FER: variants seen among roughly 807,000 people sequenced by gnomAD.
FER encodes tyrosine-protein kinase Fer.
In FER, 63 loss-of-function variants were observed where a neutral mutation model predicts 111.0. The observed-to-expected ratio is 0.57, with a 90% CI of 0.46 to 0.70. FER has a LOEUF of 0.70. Ranked by LOEUF, FER falls within the 30% of genes least tolerant of loss-of-function variation. The pLI is 0.00. For synonymous variants in FER, 327 were observed against 313.9 expected (o/e 1.04, Z -0.44); for missense variants, 914 against 954.0 (o/e 0.96, Z 0.55).
chr5:108,907,791 C>T (rs1421208391), intron 10 of FER, among the ~76,000 whole-genome samples: 3 of 152,124 alleles, frequency 2.0e-5, no homozygotes, highest in African/African-American at 7.2e-5. Flanking sequence ...CAGTATTTAA[C>T]ACTCAGTCTT....
intron 13 of FER, among the ~76,000 whole-genome samples, chr5:109,009,315 T>G (rs1179034873): frequency 5.3e-5 from 8 of 152,092 alleles, no homozygotes; most frequent in Non-Finnish European, 8.8e-5. Flanking sequence ...GGATTACAGG[T>G]GAGCCACCGT....
intron 10 of FER, among the ~76,000 whole-genome samples, chr5:108,898,630 T>C (rs192201259): frequency 1.4e-5 from 2 of 141,256 alleles, no homozygotes; most frequent in African/African-American, 5.3e-5. Context: ...TTCCTTCCTT[T>C]CTTTTTCTTT....
chr5:109,026,979 A>T (rs755552493), intron 13 of FER, among the ~76,000 whole-genome samples: 1 of 152,100 alleles, frequency 6.6e-6, no homozygotes, highest in Non-Finnish European at 1.5e-5. Flanking sequence ...ACACCCGGCT[A>T]ATTATTCTTT....
intron 5 of FER, among the ~76,000 whole-genome samples, chr5:108,851,070 C>T (rs546811388): frequency 1.3e-3 from 201 of 152,174 alleles, no homozygotes; most frequent in African/African-American, 4.3e-3. Flanking sequence ...TTTATTTATT[C>T]CCAGATATTT....
intron 17 of FER, among the ~76,000 whole-genome samples, chr5:109,143,033 G>T (rs960799686): frequency 6.6e-6 from 1 of 152,060 alleles, no homozygotes; most frequent in African/African-American, 2.4e-5. Flanking sequence ...CAGCAACCTT[G>T]CACCACTTCT....
chr5:108,922,110 A>G (rs1753100153), intron 10 of FER, among the ~76,000 whole-genome samples: 2 of 152,156 alleles, frequency 1.3e-5, no homozygotes, highest in African/African-American at 4.8e-5. Flanking sequence ...AAGCAAAGGA[A>G]TGCCTGGGGC....
At chr5:108,962,893 A>G (rs2149676331) in intron 13 of FER, among the ~76,000 whole-genome samples, 1 of 152,292 alleles carries the variant, frequency 6.6e-6, no homozygotes, top group Non-Finnish European at 1.5e-5. Flanking sequence ...TAACCACTAT[A>G]TATTTTTCCA....
At chr5:109,066,317 G>A (rs974594606) in intron 16 of FER, among the ~76,000 whole-genome samples, 6 of 152,044 alleles carry the variant, frequency 3.9e-5, no homozygotes, top group Admixed American at 3.9e-4. Flanking sequence ...CATGCCATTT[G>A]TTGAATAGGA....
At chr5:108,972,243 G>C (rs919602392) in intron 13 of FER, among the ~76,000 whole-genome samples, 1 of 151,916 alleles carries the variant, frequency 6.6e-6, no homozygotes, top group African/African-American at 2.4e-5. Context: ...GGTAAGGAGT[G>C]AGTGTGGTGA....
intron 18 of FER, among the ~76,000 whole-genome samples, chr5:109,185,531 G>A (rs1310721139): frequency 6.6e-6 from 1 of 152,114 alleles, no homozygotes; most frequent in African/African-American, 2.4e-5. Flanking sequence ...AATCTCCTAG[G>A]ATTGATAACG....
At chr5:108,906,790 A>G (rs1336893389) in intron 10 of FER, among the ~76,000 whole-genome samples, 1 of 152,046 alleles carries the variant, frequency 6.6e-6, no homozygotes, top group Non-Finnish European at 1.5e-5. Context: ...ATTTGCTGTT[A>G]TGGAAAATAA....
At chr5:108,838,701 C>A (rs917582586) in intron 5 of FER, among the ~76,000 whole-genome samples, 1 of 152,114 alleles carries the variant, frequency 6.6e-6, no homozygotes, top group African/African-American at 2.4e-5. Context: ...TAAAATGTAA[C>A]ATTCATTTAC....
At chr5:108,785,763 T>G (rs1055661201) in intron 2 of FER, among the ~76,000 whole-genome samples, 1 of 152,242 alleles carries the variant, frequency 6.6e-6, no homozygotes, top group African/African-American at 2.4e-5. Context: ...TTAGCCTGCA[T>G]GGGCTGCCTT....
chr5:109,029,612 C>G (rs1056984888), intron 13 of FER, among the ~76,000 whole-genome samples: 10 of 151,878 alleles, frequency 6.6e-5, no homozygotes, highest in African/African-American at 2.4e-4. Context: ...TTACTATTTA[C>G]AGTTGACAGT....
intron 16 of FER, among the ~76,000 whole-genome samples, chr5:109,097,218 C>G (rs980592270): frequency 6.6e-6 from 1 of 151,832 alleles, no homozygotes; most frequent in Non-Finnish European, 1.5e-5. Flanking sequence ...ATGTCCATGT[C>G]TTTTCACCAA....
chr5:108,895,750 T>A (rs1748994431), intron 9 of FER, among the ~76,000 whole-genome samples: 1 of 152,156 alleles, frequency 6.6e-6, no homozygotes, highest in Non-Finnish European at 1.5e-5. Context: ...CATAAGGATG[T>A]GGTTATCTTT....
intron 17 of FER, among the ~76,000 whole-genome samples, chr5:109,104,502 G>A (rs1048704750): frequency 1.3e-5 from 2 of 152,122 alleles, no homozygotes; most frequent in South Asian, 4.1e-4. Flanking sequence ...ACTTTGCAGA[G>A]GATACCCTCT....
At chr5:109,030,618 G>A (rs1442332793) in intron 13 of FER, among the ~76,000 whole-genome samples, 1 of 152,140 alleles carries the variant, frequency 6.6e-6, no homozygotes, top group Non-Finnish European at 1.5e-5. Flanking sequence ...TAGGAGTAGA[G>A]GGAATTCCCC....
At chr5:108,873,455 A>G (rs990354017) in intron 8 of FER, among the ~76,000 whole-genome samples, 1 of 152,160 alleles carries the variant, frequency 6.6e-6, no homozygotes, top group Non-Finnish European at 1.5e-5. Context: ...AGGTTTTGGA[A>G]TCTTTAAAGC....
Sources: allele counts gnomAD v4.1 joint callset (sites outside exome capture counted in the v4.1 genomes callset), GRCh38; gene constraint gnomAD v4.1.1; transcripts MANE v1.5; gene names NCBI Gene and HGNC (gene_info 2026-07-23, HGNC 2026-07-21).